Variants in ZNF790 observed in about 807,000 individuals in gnomAD.
The protein encoded by ZNF790 is zinc finger protein 790.
Under a neutral mutation model 12.1 loss-of-function variants are expected in ZNF790, and 8 were observed. That is an observed-to-expected ratio of 0.66 (90% CI 0.39 to 1.19). The LOEUF is 1.19. Ranked by LOEUF, ZNF790 falls within the 50% of genes most tolerant of loss-of-function variation. The pLI, the probability that ZNF790 is intolerant of heterozygous loss-of-function variation, is 0.01. For missense variants in ZNF790, 707 were observed against 752.2 expected (o/e 0.94, Z 0.70); for synonymous variants, 252 against 244.3 (o/e 1.03, Z -0.29).
upstream of ZNF790, among the ~76,000 whole-genome samples, chr19:36,839,233 C>A (rs905516473): frequency 6.6e-6 from 1 of 152,132 alleles, no homozygotes; most frequent in Non-Finnish European, 1.5e-5. Flanking sequence ...TAATTTTTTT[C>A]AGTACTTTCA....
chr19:36,846,793 T>C (rs1024561501), intron 1 of ZNF790, among the ~76,000 whole-genome samples: 1 of 152,216 alleles, frequency 6.6e-6, no homozygotes, highest in Non-Finnish European at 1.5e-5. Flanking sequence ...CTATATTTTC[T>C]TATTTTCTGT....
intron 1 of ZNF790, among the ~76,000 whole-genome samples, chr19:36,848,758 G>T (rs925881856): frequency 6.6e-6 from 1 of 151,048 alleles, no homozygotes; most frequent in Admixed American, 6.7e-5. Flanking sequence ...GGGTTGGGGG[G>T]GTGGTGGCTC....
Position 36,818,361 on chromosome 19 carries a change from C to A in ZNF790, c.*72G>T. On this transcript the variant is annotated 3_prime_UTR_variant, in exon 5 of 5. Transcript: ENST00000356725. Reference sequence around the variant, plus strand: ...TATTACTTACATTTGTGGTGTTCCTCAAGAGAAAAAAATAAATGACATCAA... The same window carrying A: ...TATTACTTACATTTGTGGTGTTCCTAAAGAGAAAAAAATAAATGACATCAA... The A allele has an allele frequency of 7.0e-7, 1 of 1,421,196 alleles. No homozygotes were observed. 88.0% of individuals were successfully genotyped at this position (1,421,196 alleles called of 1,614,324 possible).
chr19:36,837,408 A>C (rs1600670219), intron 1 of ZNF790, among the ~76,000 whole-genome samples: 1 of 152,180 alleles, frequency 6.6e-6, no homozygotes, highest in East Asian at 1.9e-4. Context: ...AAAATGGAAC[A>C]GATGGCCGGC....
At chr19:36,845,901 C>A (rs752034307) in intron 1 of ZNF790, among the ~76,000 whole-genome samples, 1 of 151,776 alleles carries the variant, frequency 6.6e-6, no homozygotes, top group Non-Finnish European at 1.5e-5. Context: ...CTCTGCCTCC[C>A]GGGTTCAAGC....
At chr19:36,836,864 G>A (rs2072057845) in intron 1 of ZNF790, among the ~76,000 whole-genome samples, 3 of 152,214 alleles carry the variant, frequency 2.0e-5, no homozygotes. Context: ...ACCAGGGGAG[G>A]AACCTGTGCA....
At chr19:36,847,524 T>A (rs1600677079) in intron 1 of ZNF790, among the ~76,000 whole-genome samples, 1 of 149,534 alleles carries the variant, frequency 6.7e-6, no homozygotes, top group Non-Finnish European at 1.5e-5. Context: ...CCGAGGCGGG[T>A]GGATCACCTG....
In ZNF790 at chr19:36,836,452, T is replaced by TA. The variant is rs542029807; in HGVS notation, c.-74+1884dup. On this transcript the variant is annotated intron_variant, in intron 1 of 4. Coordinates refer to ENST00000356725, the MANE Select transcript of ZNF790 (RefSeq NM_206894.4). ...GCAACCAAATGCAGCAAGACAAGCC[T>TA]AAAAAAAAAACACACACACACACCG... 2.5e-3 allele frequency among the ~76,000 whole-genome samples: 359 copies of TA among 146,480 alleles called. 1 individual carries two copies. Among genetic ancestry groups the TA allele is most frequent in the African/African-American group, 7.6e-3 (303 of 39,890 alleles).
intron 1 of ZNF790, among the ~76,000 whole-genome samples, chr19:36,828,583 C>T (rs75910178): frequency 0.02 from 3,051 of 152,224 alleles, 77 homozygotes; most frequent in African/African-American, 0.051. Context: ...CTGAAGCGAT[C>T]CTTCCACCTC....
chr19:36,828,358 G>A (rs2071875234), intron 1 of ZNF790, among the ~76,000 whole-genome samples: 1 of 151,996 alleles, frequency 6.6e-6, no homozygotes. Context: ...AGCTACTCAG[G>A]AGGCTGAGGC....
intron 4 of ZNF790, 29 bp downstream of exon 4, chr19:36,823,256 C>G: frequency 6.3e-7 from 1 of 1,586,658 alleles, no homozygotes; most frequent in Non-Finnish European, 8.7e-7. Flanking sequence ...CAACAATGGC[C>G]TCCTTGTGCG....
At chr19:36,848,960 ATT>A (rs1197618280) in intron 1 of ZNF790, among the ~76,000 whole-genome samples, 3 of 151,980 alleles carry the variant, frequency 2.0e-5, no homozygotes, top group Non-Finnish European at 2.9e-5. Context: ...CGCCCAGCTA[ATT>A]TTGTATTTTT....
chr19:36,847,014 G>T (rs2072186354), intron 1 of ZNF790, among the ~76,000 whole-genome samples: 1 of 151,536 alleles, frequency 6.6e-6, no homozygotes, highest in Admixed American at 6.6e-5. Context: ...CTTGGTTCAT[G>T]GGTCCTAAAA....
rs757219460 is a variant in ZNF790, at chr19:36,819,039, C to G, written c.1305G>C (p.Ser435=). Residue 435 remains serine, a synonymous_variant, in exon 5 of 5, where the codon TCG becomes TCC. Coordinates refer to ENST00000356725, the MANE Select transcript of ZNF790 (RefSeq NM_206894.4). ...GAATTTTCTCATGTTGAGCAAGATA[C>G]GAAGCCCAAGTAAAAGTCTTCCCGC... ...KQCGKTFTWA[S]YLAQHEKIHN... is the part of the protein sequence containing the mutation. The G allele has an allele frequency of 6.2e-7, 1 of 1,613,940 alleles. No individual in the cohort carries two copies. Among genetic ancestry groups the G allele is most frequent in the Admixed American group, 1.7e-5 (1 of 59,992 alleles).
At chr19:36,841,943 G>T (rs749324361), upstream of ZNF790, among the ~76,000 whole-genome samples, 15 of 151,916 alleles carry the variant, frequency 9.9e-5, no homozygotes, top group Admixed American at 2.6e-4. Context: ...CAAACTCCTG[G>T]CCTGAAGCGC....
At position 36,830,495 on chromosome 19, in the gene ZNF790, T is replaced by C. The variant is rs2071925790; in HGVS notation, c.-73-4803A>G. On this transcript the variant is annotated intron_variant, in intron 1 of 4. Transcript: ENST00000356725. ...TTCTTATGAGATATACTTTGTCTCG[T>C]TTCAGTATCTGGGAAATACTGGCCT... Among the ~76,000 whole-genome samples the C allele has an allele frequency of 2.0e-5, 3 of 152,178 alleles. 1 individual carries two copies. The South Asian group carries it at 6.2e-4, about 32-fold the overall frequency.
intron 1 of ZNF790, among the ~76,000 whole-genome samples, chr19:36,847,516 G>C (rs1333139390): frequency 6.6e-6 from 1 of 151,470 alleles, no homozygotes; most frequent in Non-Finnish European, 1.5e-5. Context: ...TTGGGAGGCC[G>C]AGGCGGGTGG....
intron 1 of ZNF790, among the ~76,000 whole-genome samples, chr19:36,833,120 A>C (rs113461684): frequency 0.015 from 2,244 of 152,248 alleles, 45 homozygotes; most frequent in African/African-American, 0.05. Context: ...ATCTAACAAT[A>C]TATGTAACAT....
At chr19:36,830,763 A>G (rs1478412607) in intron 1 of ZNF790, among the ~76,000 whole-genome samples, 1 of 152,228 alleles carries the variant, frequency 6.6e-6, no homozygotes, top group East Asian at 1.9e-4. Context: ...TTTCACATGA[A>G]AATACCAGTG....
Sources: allele counts gnomAD v4.1 joint callset (sites outside exome capture counted in the v4.1 genomes callset), GRCh38; gene constraint gnomAD v4.1.1; transcripts MANE v1.5; gene names NCBI Gene and HGNC (gene_info 2026-07-23, HGNC 2026-07-21).